Variants in ZSWIM6 observed in about 807,000 individuals in gnomAD.
The protein encoded by ZSWIM6 is zinc finger SWIM domain-containing protein 6.
ZSWIM6 carries 9 observed loss-of-function variants against 113.2 expected under a neutral mutation model. The ratio of observed to expected loss-of-function variants is 0.08; its 90% CI spans 0.05 to 0.14. ZSWIM6 has a LOEUF of 0.14. Among genes scored for constraint, ZSWIM6 ranks in the 10% least tolerant of loss-of-function variants. The probability of loss-of-function intolerance (pLI) is 1.00; values close to 1 mark genes in which losing one functional copy is unlikely to be tolerated. For missense variants in ZSWIM6, 1,162 were observed against 1,552.2 expected (o/e 0.75, Z 4.22); for synonymous variants, 611 against 606.5 (o/e 1.01, Z -0.11).
chr5:61,417,266 A>T (rs1001479189), intron 1 of ZSWIM6, among the ~76,000 whole-genome samples: 1 of 152,246 alleles, frequency 6.6e-6, no homozygotes, highest in Non-Finnish European at 1.5e-5. Flanking sequence ...TTCACTGCCT[A>T]TATCTGTTAG....
In ZSWIM6 at chr5:61,544,122, C is replaced by T; in HGVS notation, c.3453C>T (p.Asn1151=). The T allele has an allele frequency of 1.3e-6, 2 of 1,551,876 alleles. No individual in the cohort carries two copies. Among genetic ancestry groups the T allele is most frequent in the Non-Finnish European group, 1.7e-6 (2 of 1,147,036 alleles). The change falls in exon 14 of 14, where the codon AAC becomes AAT. Residue 1151 remains asparagine (N), a synonymous_variant. Coordinates refer to ENST00000252744, the MANE Select transcript of ZSWIM6 (RefSeq NM_020928.2). ...LLDATIGAYI[N]TTHSRLTHIS... Reference sequence around the variant, plus strand: ...ATGCCACGATCGGGGCCTACATCAACACAACGCACTCACGGCTCACACACA... The same window carrying T: ...ATGCCACGATCGGGGCCTACATCAATACAACGCACTCACGGCTCACACACA...
intron 1 of ZSWIM6, among the ~76,000 whole-genome samples, chr5:61,337,228 G>A (rs1744419194): frequency 1.3e-5 from 2 of 152,080 alleles, no homozygotes; most frequent in Non-Finnish European, 2.9e-5. Flanking sequence ...ACAGTGAGCC[G>A]AGATTGCACC....
intron 5 of ZSWIM6, 131 bp downstream of exon 5, chr5:61,521,573 A>G (rs963897140): frequency 1.8e-5 from 11 of 607,636 alleles, no homozygotes; most frequent in Non-Finnish European, 2.5e-5. Flanking sequence ...AGTACTTAAT[A>G]TGTGTTGACT....
chr5:61,498,170 A>G (rs1022969978), intron 4 of ZSWIM6, among the ~76,000 whole-genome samples: 2 of 152,214 alleles, frequency 1.3e-5, no homozygotes, highest in African/African-American at 4.8e-5. Flanking sequence ...ACAGTTAAAT[A>G]ACACTTAATT....
chr5:61,519,680 T>G (rs1167952488), intron 4 of ZSWIM6, among the ~76,000 whole-genome samples: 1 of 152,142 alleles, frequency 6.6e-6, no homozygotes, highest in Non-Finnish European at 1.5e-5. Context: ...TATCTGTGGC[T>G]TAGATGGGTT....
At chr5:61,403,830 T>G (rs1490877980) in intron 1 of ZSWIM6, among the ~76,000 whole-genome samples, 3 of 152,146 alleles carry the variant, frequency 2.0e-5, no homozygotes, top group Non-Finnish European at 4.4e-5. Context: ...GGGAGCTTCT[T>G]GATAATTAAG....
chr5:61,378,283 G>A (rs1579963054), intron 1 of ZSWIM6, among the ~76,000 whole-genome samples: 1 of 152,116 alleles, frequency 6.6e-6, no homozygotes, highest in Admixed American at 6.6e-5. Context: ...TTTGTCCATC[G>A]AAGATGGAGT....
At chr5:61,409,745 G>A (rs1201228384) in intron 1 of ZSWIM6, among the ~76,000 whole-genome samples, 8 of 152,170 alleles carry the variant, frequency 5.3e-5, no homozygotes, top group Admixed American at 5.2e-4. Flanking sequence ...TTAGCTTTTT[G>A]TGGAGAGGGA....
At position 61,505,952 on chromosome 5, in the gene ZSWIM6, T is replaced by C. The variant is rs865956130; in HGVS notation, c.1333+11542T>C. Among the ~76,000 whole-genome samples, 13 of 151,852 alleles carry C rather than the reference T, an allele frequency of 8.6e-5. No individual in the cohort carries two copies. The South Asian group carries it at 1.7e-3, about 20-fold the overall frequency. Reference sequence around the variant, plus strand: ...TAGTAGAGATGGGGTTTCACCATGTTAGCTAGGATGGTCTCGATCTCCTGA... The same window carrying C: ...TAGTAGAGATGGGGTTTCACCATGTCAGCTAGGATGGTCTCGATCTCCTGA... On this transcript the variant is annotated intron_variant, in intron 4 of 13. Transcript: ENST00000252744.
At chr5:61,506,959 A>C (rs1748639089) in intron 4 of ZSWIM6, among the ~76,000 whole-genome samples, 1 of 152,170 alleles carries the variant, frequency 6.6e-6, no homozygotes, top group African/African-American at 2.4e-5. Context: ...AAACATAATA[A>C]AAAGTAGAAA....
At position 61,432,265 on chromosome 5, in the gene ZSWIM6, C is replaced by T. The variant is rs556297356; in HGVS notation, c.677-40416C>T. On this transcript the variant is annotated intron_variant, in intron 1 of 13. Transcript: ENST00000252744. The stretch of plus-strand genomic sequence containing the variant: ...TTAGAAACAATTGTGTATACACAAC[C>T]GTTAAATGGAATCCTGACCACCTGT... 3.9e-5 allele frequency among the ~76,000 whole-genome samples: 6 copies of T among 152,236 alleles called. No individual in the cohort carries two copies. In the South Asian group the frequency reaches 8.3e-4, roughly 21 times the overall value.
At chr5:61,458,849 G>A (rs1333671594) in intron 1 of ZSWIM6, among the ~76,000 whole-genome samples, 1 of 149,776 alleles carries the variant, frequency 6.7e-6, no homozygotes, top group Non-Finnish European at 1.5e-5. Flanking sequence ...CTGCCCTTCA[G>A]CCTGGGCAAC....
At chr5:61,405,386 T>A (rs760902603) in intron 1 of ZSWIM6, among the ~76,000 whole-genome samples, 10 of 152,238 alleles carry the variant, frequency 6.6e-5, no homozygotes, top group Non-Finnish European at 1.5e-4. Flanking sequence ...TTTCATCTTT[T>A]TATTAGTGAG....
At chr5:61,541,177 C>T (rs947400388) in intron 12 of ZSWIM6, among the ~76,000 whole-genome samples, 3 of 152,056 alleles carry the variant, frequency 2.0e-5, no homozygotes, top group Non-Finnish European at 2.9e-5. Context: ...CTCCTGACCT[C>T]GTGATCCATT....
chr5:61,396,742 T>C lies in ZSWIM6; in HGVS notation c.676+63794T>C, dbSNP rs572492570. On this transcript the variant is annotated intron_variant, in intron 1 of 13. Coordinates refer to ENST00000252744, the MANE Select transcript of ZSWIM6 (RefSeq NM_020928.2). ...TGGGTTATCTACACTTTAAAATTAA[T>C]TAAACATTTTAAAATTAAGTTTTTG... Among the ~76,000 whole-genome samples, 17 of 152,298 alleles carry C rather than the reference T, an allele frequency of 1.1e-4. No individual in the cohort carries two copies. The South Asian group carries it at 3.1e-3, about 28-fold the overall frequency.
intron 1 of ZSWIM6, among the ~76,000 whole-genome samples, chr5:61,447,550 T>C (rs529128566): frequency 1.3e-5 from 2 of 152,232 alleles, no homozygotes; most frequent in East Asian, 3.9e-4. Context: ...AAGGCTGTTT[T>C]TTTCTAGGCA....
chr5:61,393,207 AT>A (rs80039422), intron 1 of ZSWIM6, among the ~76,000 whole-genome samples: 192 of 142,594 alleles, frequency 1.3e-3, no homozygotes, highest in Non-Finnish European at 1.3e-3. Flanking sequence ...CTCCCGACTA[AT>A]TTTTTTTTTT....
In ZSWIM6 at chr5:61,445,657, A is replaced by T. The variant is rs75479754; in HGVS notation, c.677-27024A>T. Reference sequence around the variant, plus strand: ...TGCAGAGGAAACAAAATGACTATTTATAGAACCAAATACAATCCTTCCATT... The same window carrying T: ...TGCAGAGGAAACAAAATGACTATTTTTAGAACCAAATACAATCCTTCCATT... On this transcript the variant is annotated intron_variant, in intron 1 of 13. Transcript: ENST00000252744. Among the ~76,000 whole-genome samples, 979 of 152,362 alleles carry T rather than the reference A, an allele frequency of 6.4e-3. 8 individuals carry two copies. The highest frequency in any genetic ancestry group is 0.02 in the African/African-American group (848 of 41,592).
intron 2 of ZSWIM6, among the ~76,000 whole-genome samples, chr5:61,478,360 A>G (rs897769362): frequency 6.6e-6 from 1 of 152,182 alleles, no homozygotes; most frequent in Non-Finnish European, 1.5e-5. Context: ...TTAGTCTCCA[A>G]AAGCACCCTT....
Sources: allele counts gnomAD v4.1 joint callset (sites outside exome capture counted in the v4.1 genomes callset), GRCh38; gene constraint gnomAD v4.1.1; transcripts MANE v1.5; gene names NCBI Gene and HGNC (gene_info 2026-07-23, HGNC 2026-07-21).